Variants in DEAF1 observed in about 807,000 individuals in gnomAD.
DEAF1 encodes the protein DEAF1 transcription factor, also known as deformed epidermal autoregulatory factor 1 homolog.
DEAF1 carries 53 observed loss-of-function variants against 58.9 expected under a neutral mutation model. That is an observed-to-expected ratio of 0.90 (90% CI 0.72 to 1.13). The LOEUF (loss-of-function observed/expected upper bound fraction) is 1.13, where lower values mean the gene tolerates loss of function less well. DEAF1 is among the 50% of genes most tolerant of loss of function. DEAF1 has a pLI of 0.00. For missense variants in DEAF1, 685 were observed against 791.4 expected (o/e 0.87, Z 1.61); for synonymous variants, 385 against 340.4 (o/e 1.13, Z -1.44).
intron 1 of DEAF1, chr11:703,694 A>C: frequency 8.1e-7 from 1 of 1,232,324 alleles, no homozygotes; most frequent in Non-Finnish European, 1.0e-6. Context: ...ACAGGCAGGC[A>C]GGCCCGGTGC....
intron 1 of DEAF1, chr11:694,334 C>T (rs1255178535): frequency 6.1e-6 from 1 of 164,446 alleles, no homozygotes; most frequent in Non-Finnish European, 1.2e-5. Flanking sequence ...GGCTGGTCAC[C>T]TGGGGCAGGT....
chr11:661,197 A>C (rs1859304035), intron 10 of DEAF1, among the ~76,000 whole-genome samples: 1 of 152,150 alleles, frequency 6.6e-6, no homozygotes, highest in African/African-American at 2.4e-5. Context: ...GCCAACAACA[A>C]GCCGGGGCCA....
chr11:653,244 C>CA (rs1564924522), intron 11 of DEAF1, among the ~76,000 whole-genome samples: 3 of 146,818 alleles, frequency 2.0e-5, no homozygotes, highest in Non-Finnish European at 4.5e-5. Flanking sequence ...GAACTGTGGA[C>CA]GCTGTCTCTC....
upstream of DEAF1, chr11:698,033 G>C (rs2133454385): frequency 6.6e-6 from 1 of 152,370 alleles, no homozygotes. Context: ...CTGTGTTCAG[G>C]TTGCTGTCCT....
At chr11:678,512 G>A in intron 9 of DEAF1, 182 bp downstream of exon 9, 1 of 857,130 alleles carries the variant, frequency 1.2e-6, no homozygotes, top group Non-Finnish European at 1.9e-6. Flanking sequence ...ACGTGGCTGT[G>A]TGTCAGTAAA....
intron 1 of DEAF1, among the ~76,000 whole-genome samples, chr11:694,197 A>T (rs1020916892): frequency 4.0e-5 from 6 of 148,870 alleles, no homozygotes; most frequent in Non-Finnish European, 8.9e-5. Context: ...GACCAGTAGG[A>T]GGCGGGGCTG....
At chr11:672,545 T>A (rs919728332) in intron 10 of DEAF1, among the ~76,000 whole-genome samples, 1 of 152,134 alleles carries the variant, frequency 6.6e-6, no homozygotes, top group Non-Finnish European at 1.5e-5. Flanking sequence ...CAGAAAAATT[T>A]AAAAATTAAA....
rs771824639 is a variant in DEAF1, at chr11:700,770, T to G, written c.-438+5802A>C. ...AGAGTTGCTATCTGTTTCCACAGCC[T>G]TTCAAGAGTAATTATTTTATAGTGT... On this transcript the variant is annotated intron_variant, in intron 1 of 11. Coordinates refer to the DEAF1 transcript ENST00000683307. 2.1e-6 allele frequency: 3 copies of G among 1,412,200 alleles called. No homozygotes were observed. In the East Asian group the frequency reaches 6.8e-5, roughly 32 times the overall value. The allele number at this position is 1,412,200 out of a possible 1,614,324, so 87.5% of individuals were successfully genotyped here. A position where few individuals can be genotyped will look rare whatever the true frequency, so the allele number is the denominator to read the frequency against.
In DEAF1 at chr11:679,682, G is replaced by A. The variant is rs968404870; in HGVS notation, c.1126+6C>T. On this transcript the variant is annotated splice_donor_region_variant and intron_variant, in intron 8 of 11. Transcript: ENST00000382409. ...GACGCGTCAGGCAGGCACTGGAGCA[G>A]CTCACCTGTGGCCCCTGCGAAGACG... 3.1e-6 allele frequency: 5 copies of A among 1,611,118 alleles called. No individual in the cohort carries two copies. The highest frequency in any genetic ancestry group is 4.2e-6 in the Non-Finnish European group (5 of 1,180,042).
intron 10 of DEAF1, among the ~76,000 whole-genome samples, chr11:663,873 C>T (rs1564932425): frequency 1.3e-5 from 2 of 152,222 alleles, no homozygotes. Flanking sequence ...TGTCTGCTAC[C>T]ATGGCTTCCT....
chr11:697,017 G>A (rs1192479037), upstream of DEAF1, among the ~76,000 whole-genome samples: 1 of 151,302 alleles, frequency 6.6e-6, no homozygotes, highest in Non-Finnish European at 1.5e-5. Flanking sequence ...GGTGGTGGTG[G>A]GGGGGGTGGG....
intron 10 of DEAF1, among the ~76,000 whole-genome samples, chr11:673,530 A>G (rs1467853828): frequency 6.6e-6 from 1 of 152,114 alleles, no homozygotes; most frequent in Non-Finnish European, 1.5e-5. Flanking sequence ...CCTGTTCCAC[A>G]AATAAAAATA....
Position 695,170 on chromosome 11 carries a change from C to G in DEAF1, c.-123G>C. ...GGCCGAGGCCGCCCGAAGCCGCCGC[C>G]CGAATAGGGACCGAAAAGGCAGCCA... On this transcript the variant is annotated 5_prime_UTR_variant, in exon 1 of 12. Transcript: ENST00000382409. 1.1e-6 allele frequency: 1 copy of G among 918,466 alleles called. No homozygotes were observed. The highest frequency in any genetic ancestry group is 1.8e-5 in the African/African-American group (1 of 55,894). The allele number at this position is 918,466 out of a possible 1,614,324, so 56.9% of individuals were successfully genotyped here. A position where few individuals can be genotyped will look rare whatever the true frequency, so the allele number is the denominator to read the frequency against.
rs1273301157 is a variant in DEAF1, at chr11:681,197, G to A, written c.871-108C>T. ...CCGCGGGGTGTGTGAGTCACATGGT[G>A]AGACCACATTAAGATGGTAAGCGCC... On this transcript the variant is annotated intron_variant, in intron 6 of 11. Coordinates refer to ENST00000382409, the MANE Select transcript of DEAF1 (RefSeq NM_021008.4). The A allele has an allele frequency of 4.8e-6, 7 of 1,473,464 alleles. No individual in the cohort carries two copies. The East Asian group carries it at 1.1e-4, about 24-fold the overall frequency. The allele number at this position is 1,473,464 out of a possible 1,614,324, so 91.3% of individuals were successfully genotyped here.
upstream of DEAF1, chr11:700,151 G>A: frequency 6.2e-7 from 1 of 1,614,110 alleles, no homozygotes; most frequent in East Asian, 2.2e-5. Flanking sequence ...GCTCTCTTCA[G>A]TTCCCCTTCA....
intron 1 of DEAF1, among the ~76,000 whole-genome samples, chr11:694,016 G>A (rs992108836): frequency 2.0e-5 from 3 of 152,206 alleles, no homozygotes; most frequent in Admixed American, 2.0e-4. Flanking sequence ...ATGGCCTCCA[G>A]CAGGCTGCCC....
At chr11:693,182 C>T (rs1860908829) in intron 1 of DEAF1, among the ~76,000 whole-genome samples, 1 of 152,230 alleles carries the variant, frequency 6.6e-6, no homozygotes, top group Admixed American at 6.5e-5. Context: ...ATTTCTCTGA[C>T]ATCATGATGA....
At chr11:693,038 C>T (rs899052468) in intron 1 of DEAF1, among the ~76,000 whole-genome samples, 5 of 152,182 alleles carry the variant, frequency 3.3e-5, no homozygotes, top group South Asian at 2.1e-4. Flanking sequence ...CAGGCGGCAG[C>T]GTGTCCTGCT....
intron 9 of DEAF1, 27 bp downstream of exon 9, chr11:678,667 T>A (rs761359404): frequency 7.4e-6 from 12 of 1,613,542 alleles, no homozygotes; most frequent in African/African-American, 1.3e-5. Flanking sequence ...CAATAACCTG[T>A]ACATGTGTGA....
Sources: gnomAD v4.1 joint callset for allele counts (sites outside exome capture counted in the v4.1 genomes callset) on GRCh38, gnomAD v4.1.1 for gene constraint, MANE v1.5 for transcripts, NCBI Gene and HGNC (gene_info 2026-07-23, HGNC 2026-07-21) for gene names.